LNX1: variants seen among roughly 807,000 people sequenced by gnomAD.
LNX1 encodes E3 ubiquitin-protein ligase LNX.
Under a neutral mutation model 68.4 loss-of-function variants are expected in LNX1, and 54 were observed. The observed-to-expected ratio is 0.79, with a 90% CI of 0.63 to 0.99. The LOEUF is 0.99. Among genes scored for constraint, LNX1 ranks in the 50% least tolerant of loss-of-function variants. The probability of loss-of-function intolerance (pLI) is 0.00; values close to 1 mark genes in which losing one functional copy is unlikely to be tolerated. For synonymous variants in LNX1, 336 were observed against 350.0 expected, an observed-to-expected ratio of 0.96 and a Z score of 0.45; for missense variants, 906 against 926.4, an observed-to-expected ratio of 0.98 and a Z score of 0.29.
At chr4:53,480,064 T>A (rs1177445846) in intron 7 of LNX1, among the ~76,000 whole-genome samples, 1 of 152,250 alleles carries the variant, frequency 6.6e-6, no homozygotes, top group Non-Finnish European at 1.5e-5. Context: ...TCTTCTTTGG[T>A]ATTTCTTTGA....
intron 2 of LNX1, chr4:53,604,093 A>G (rs1450432276): frequency 1.3e-5 from 2 of 152,202 alleles, no homozygotes; most frequent in African/African-American, 4.8e-5. Flanking sequence ...ATATCTATTA[A>G]TAATTCCTGT....
chr4:53,550,627 A>G (rs1343826922), intron 2 of LNX1, among the ~76,000 whole-genome samples: 4 of 152,218 alleles, frequency 2.6e-5, no homozygotes, highest in Non-Finnish European at 2.9e-5. Flanking sequence ...AAGGCAATCC[A>G]CTGTATTCCA....
At chr4:53,593,255 G>C (rs968946160), upstream of LNX1, among the ~76,000 whole-genome samples, 1 of 152,200 alleles carries the variant, frequency 6.6e-6, no homozygotes, top group Non-Finnish European at 1.5e-5. Context: ...AGGGGAGGGA[G>C]AGCCCGCCAA....
chr4:53,549,881 A>G (rs528260185), intron 2 of LNX1, among the ~76,000 whole-genome samples: 2 of 152,312 alleles, frequency 1.3e-5, no homozygotes, highest in African/African-American at 4.8e-5. Context: ...TTTGCCTCTT[A>G]TCCGCCTGAC....
At chr4:53,626,019 A>C (rs1734062401) in intron 1 of LNX1, among the ~76,000 whole-genome samples, 1 of 152,218 alleles carries the variant, frequency 6.6e-6, no homozygotes, top group South Asian at 2.1e-4. Context: ...GAATAAATAA[A>C]ATGTTGAATA....
chr4:53,479,587 A>G (rs1194662735), intron 7 of LNX1, among the ~76,000 whole-genome samples: 1 of 152,184 alleles, frequency 6.6e-6, no homozygotes. Flanking sequence ...ACCCAGGGTT[A>G]CCTGACTTTG....
Position 53,538,654 on chromosome 4 carries a change from G to A in LNX1, c.381-30427C>T, listed in dbSNP as rs558826842. Among the ~76,000 whole-genome samples the A allele has an allele frequency of 3.0e-4, 46 of 152,308 alleles. No homozygotes were observed. In the South Asian group the frequency reaches 9.3e-3, roughly 31 times the overall value. The stretch of plus-strand genomic sequence containing the variant: ...TTAAAAGCTCTTCCCCATGTAGCCT[G>A]AGTCTCACTTGATTCATCTATTATT... On this transcript the variant is annotated intron_variant, in intron 2 of 10. Coordinates refer to ENST00000263925, the MANE Select transcript of LNX1 (RefSeq NM_001126328.3).
At chr4:53,490,792 A>G (rs1011146695) in intron 6 of LNX1, among the ~76,000 whole-genome samples, 14 of 152,240 alleles carry the variant, frequency 9.2e-5, no homozygotes, top group African/African-American at 3.4e-4. Flanking sequence ...TAATCCCCTC[A>G]GCCTGGTGTG....
chr4:53,462,502 G>A lies in LNX1; in HGVS notation c.1893-909C>T, dbSNP rs1722237627. Among the ~76,000 whole-genome samples the A allele has an allele frequency of 3.9e-5, 6 of 151,974 alleles. No individual in the cohort carries two copies. In the South Asian group the frequency reaches 1.2e-3, roughly 31 times the overall value. ...TTTCATGTTGCCAAAAATCAGATAT[G>A]GCTATTTTGTTTATATACCGTACCT... On this transcript the variant is annotated intron_variant, in intron 9 of 10. Transcript: ENST00000263925.
intron 2 of LNX1, among the ~76,000 whole-genome samples, chr4:53,596,501 C>T (rs925477): frequency 0.23 from 34,422 of 152,100 alleles, 4,182 homozygotes; most frequent in South Asian, 0.38. Context: ...ATAATGGTCA[C>T]GAGACCTATA....
chr4:53,546,661 C>A (rs1045258814), intron 2 of LNX1, among the ~76,000 whole-genome samples: 1 of 152,130 alleles, frequency 6.6e-6, no homozygotes, highest in Admixed American at 6.6e-5. Flanking sequence ...AGCTCTCCTT[C>A]GGCTCTCAAA....
At chr4:53,610,359 T>C (rs757584571) in intron 2 of LNX1, among the ~76,000 whole-genome samples, 12 of 152,170 alleles carry the variant, frequency 7.9e-5, no homozygotes, top group Non-Finnish European at 1.2e-4. Context: ...TTAAAAGCCA[T>C]GAAAGGTCGA....
chr4:53,568,532 C>T (rs201149126), intron 2 of LNX1, among the ~76,000 whole-genome samples: 1 of 150,774 alleles, frequency 6.6e-6, no homozygotes, highest in African/African-American at 2.5e-5. Context: ...AAACCTACAG[C>T]CAATATCATA....
At chr4:53,561,474 C>T (rs1392371285) in intron 2 of LNX1, among the ~76,000 whole-genome samples, 1 of 152,154 alleles carries the variant, frequency 6.6e-6, no homozygotes, top group South Asian at 2.1e-4. Flanking sequence ...GATCCGCCCA[C>T]GTCATCCTCC....
At chr4:53,621,022 A>G (rs1298469025), upstream of LNX1, among the ~76,000 whole-genome samples, 3 of 152,200 alleles carry the variant, frequency 2.0e-5, no homozygotes, top group Non-Finnish European at 4.4e-5. Flanking sequence ...CAAACATTTT[A>G]TTAACTGGCT....
chr4:53,491,640 T>C (rs1724680712), intron 6 of LNX1, among the ~76,000 whole-genome samples: 1 of 152,180 alleles, frequency 6.6e-6, no homozygotes, highest in South Asian at 2.1e-4. Context: ...GTAAATGGTT[T>C]GATAACCAAT....
chr4:53,462,052 C>T (rs1257228615), intron 9 of LNX1, among the ~76,000 whole-genome samples: 4 of 151,978 alleles, frequency 2.6e-5, no homozygotes, highest in Non-Finnish European at 4.4e-5. Flanking sequence ...TAAATGAATT[C>T]GTATACTTTT....
At chr4:53,462,021 G>A (rs181129073) in intron 9 of LNX1, among the ~76,000 whole-genome samples, 4,386 of 152,078 alleles carry the variant, frequency 0.029, 103 homozygotes, top group Non-Finnish European at 0.043. Context: ...CTCAATGAAA[G>A]CAGTTTAAGC....
chr4:53,571,005 C>T (rs376671888), intron 2 of LNX1, among the ~76,000 whole-genome samples: 16 of 149,022 alleles, frequency 1.1e-4, no homozygotes, highest in Admixed American at 4.7e-4. Flanking sequence ...CCAACCTGGG[C>T]GACAGAGCCA....
Sources: allele counts gnomAD v4.1 joint callset (sites outside exome capture counted in the v4.1 genomes callset), GRCh38; gene constraint gnomAD v4.1.1; transcripts MANE v1.5; gene names NCBI Gene and HGNC (gene_info 2026-07-23, HGNC 2026-07-21).